Variants in KIF15 observed in about 807,000 individuals in gnomAD.
The protein encoded by KIF15 is kinesin-like protein KIF15.
Under a neutral mutation model 190.6 loss-of-function variants are expected in KIF15, and 140 were observed. That is an observed-to-expected ratio of 0.73 (90% CI 0.64 to 0.84). KIF15 has a LOEUF of 0.84. KIF15 is among the 40% of genes least tolerant of loss of function. The pLI, the probability that KIF15 is intolerant of heterozygous loss-of-function variation, is 0.00. For missense variants in KIF15, 1,372 were observed against 1,584.4 expected, an observed-to-expected ratio of 0.87 and a Z score of 2.28; for synonymous variants, 528 against 551.3, an observed-to-expected ratio of 0.96 and a Z score of 0.59.
chr3:44,769,802 C>A (rs1189864808), intron 1 of KIF15, among the ~76,000 whole-genome samples: 1 of 152,142 alleles, frequency 6.6e-6, no homozygotes, highest in East Asian at 1.9e-4. Flanking sequence ...AGGGGTCCTC[C>A]TCCAAGGGAA....
In KIF15 at chr3:44,805,893, G is replaced by A. The variant is rs150748254; in HGVS notation, c.1878G>A (p.Ala626=). The A allele has an allele frequency of 1.2e-4, 187 of 1,613,962 alleles. 1 individual carries two copies. Among genetic ancestry groups the A allele is most frequent in the Admixed American group, 1.5e-4 (9 of 59,982 alleles). The change falls in exon 16 of 35, where the codon GCG becomes GCA. Residue 626 remains alanine, a synonymous_variant. Transcript: ENST00000326047. ...LESELQSLQK[A]NLNLENLLEA... ...CAGAGCTTCAGTCTTTGCAAAAAGCGAACCTTAATCTTGAAAACCTTTTGG... is the reference window on the plus strand; with the variant it reads ...CAGAGCTTCAGTCTTTGCAAAAAGCAAACCTTAATCTTGAAAACCTTTTGG...
intron 6 of KIF15, chr3:44,865,118 C>A: frequency 6.2e-7 from 1 of 1,614,140 alleles, no homozygotes; most frequent in South Asian, 1.1e-5. Flanking sequence ...TCTCTGCGGA[C>A]TCACCCTAAT....
downstream of KIF15, among the ~76,000 whole-genome samples, chr3:44,856,851 G>C (rs1053541250): frequency 4.6e-5 from 7 of 152,182 alleles, no homozygotes; most frequent in Non-Finnish European, 7.3e-5. Context: ...TGGTGGTGCA[G>C]GATATGGAAG....
chr3:44,819,541 G>A (rs1211087804), intron 20 of KIF15, among the ~76,000 whole-genome samples: 1 of 152,162 alleles, frequency 6.6e-6, no homozygotes, highest in African/African-American at 2.4e-5. Flanking sequence ...CAGTTTCCAT[G>A]TAGTGGTGCA....
chr3:44,787,198 T>C (rs1241129775), intron 7 of KIF15, among the ~76,000 whole-genome samples: 5 of 152,158 alleles, frequency 3.3e-5, no homozygotes, highest in South Asian at 2.1e-4. Context: ...ACTGGTGATA[T>C]TTGGTTCTTT....
At position 44,852,129 on chromosome 3, in the gene KIF15, A is replaced by C. The variant is rs546760206; in HGVS notation, c.3973-79A>C. 31 of 1,523,886 alleles carry C rather than the reference A, an allele frequency of 2.0e-5. No individual in the cohort carries two copies. The South Asian group carries it at 2.6e-4, about 13-fold the overall frequency. 94.4% of individuals were successfully genotyped at this position (1,523,886 alleles called of 1,614,324 possible). On this transcript the variant is annotated intron_variant, in intron 33 of 34. Coordinates refer to ENST00000326047, the MANE Select transcript of KIF15 (RefSeq NM_020242.3). ...ACTCTCTGACTTCCTGTGCTCCTGG[A>C]AGGCAAGAAATAATGTGACTTTAAA...
chr3:44,818,782 C>T (rs1466631265), intron 20 of KIF15, among the ~76,000 whole-genome samples: 1 of 152,186 alleles, frequency 6.6e-6, no homozygotes, highest in Non-Finnish European at 1.5e-5. Context: ...AGTATTCCCT[C>T]TTTTTCTATT....
At chr3:44,850,457 T>C (rs1416399724) in intron 32 of KIF15, among the ~76,000 whole-genome samples, 1 of 152,174 alleles carries the variant, frequency 6.6e-6, no homozygotes, top group Non-Finnish European at 1.5e-5. Flanking sequence ...TTTAACTTGG[T>C]GTATAGTTTA....
chr3:44,861,326 A>G (rs1699241824), intron 6 of KIF15, among the ~76,000 whole-genome samples: 1 of 152,258 alleles, frequency 6.6e-6, no homozygotes, highest in South Asian at 2.1e-4. Flanking sequence ...ATAACAGGAG[A>G]TTAGAAGTCA....
intron 14 of KIF15, among the ~76,000 whole-genome samples, chr3:44,804,745 C>T (rs530259363): frequency 6.6e-6 from 1 of 152,264 alleles, no homozygotes; most frequent in African/African-American, 2.4e-5. Flanking sequence ...ACTTTTCCTC[C>T]TTGTGGCCCA....
chr3:44,809,958 T>C (rs1229234562), intron 16 of KIF15, among the ~76,000 whole-genome samples: 1 of 152,060 alleles, frequency 6.6e-6, no homozygotes, highest in African/African-American at 2.4e-5. Context: ...TCCCAGCTAC[T>C]TGGGAGGCTG....
chr3:44,790,650 A>G (rs1231649118), intron 7 of KIF15, among the ~76,000 whole-genome samples: 3 of 138,182 alleles, frequency 2.2e-5, no homozygotes, highest in Non-Finnish European at 4.8e-5. Context: ...CATTCTTTTG[A>G]TTACCATTTG....
rs201875723 is a variant in KIF15 at position 44,773,147 on chromosome 3, A to AC, written c.20-1248_20-1247insC. On this transcript the variant is annotated intron_variant, in intron 1 of 34. Transcript: ENST00000326047. ...CTAGTAAAACATCTTAAAAAAAAAA[A>AC]AACAACAACAAAGCCTCTCACATAA... Among the ~76,000 whole-genome samples the AC allele has an allele frequency of 3.2e-3, 487 of 152,036 alleles. 4 individuals carry two copies. The highest frequency in any genetic ancestry group is 0.011 in the African/African-American group (441 of 41,496).
At chr3:44,796,787 T>G (rs1707008636) in intron 8 of KIF15, among the ~76,000 whole-genome samples, 1 of 152,210 alleles carries the variant, frequency 6.6e-6, no homozygotes, top group Non-Finnish European at 1.5e-5. Context: ...CTTTACAGAA[T>G]TAAACTGAAT....
intron 29 of KIF15, among the ~76,000 whole-genome samples, chr3:44,841,930 A>G (rs1698628966): frequency 6.6e-6 from 1 of 152,150 alleles, no homozygotes; most frequent in African/African-American, 2.4e-5. Context: ...TTTTTACACA[A>G]TGGTGTCATA....
chr3:44,788,757 G>C (rs1706531356), intron 7 of KIF15, among the ~76,000 whole-genome samples: 1 of 152,076 alleles, frequency 6.6e-6, no homozygotes, highest in South Asian at 2.1e-4. Flanking sequence ...TATTCTCTTT[G>C]TCTTGTTTTA....
chr3:44,824,804 G>T (rs1299363993), intron 20 of KIF15, among the ~76,000 whole-genome samples: 2 of 152,130 alleles, frequency 1.3e-5, no homozygotes, highest in Non-Finnish European at 2.9e-5. Context: ...TTGTCACCCA[G>T]GCTGGAGCAC....
intron 8 of KIF15, among the ~76,000 whole-genome samples, chr3:44,794,982 G>A (rs1031696644): frequency 2.6e-5 from 4 of 151,962 alleles, no homozygotes; most frequent in African/African-American, 9.7e-5. Flanking sequence ...ATGTATCCGT[G>A]TTGTTAACTG....
intron 6 of KIF15, among the ~76,000 whole-genome samples, chr3:44,858,658 G>A (rs1699211036): frequency 6.6e-6 from 1 of 152,154 alleles, no homozygotes; most frequent in East Asian, 1.9e-4. Flanking sequence ...CCTAATAAGG[G>A]AACTGGGCAA....
Sources: gnomAD v4.1 joint callset for allele counts (sites outside exome capture counted in the v4.1 genomes callset) on GRCh38, gnomAD v4.1.1 for gene constraint, MANE v1.5 for transcripts, NCBI Gene and HGNC (gene_info 2026-07-23, HGNC 2026-07-21) for gene names.